EMSY: variants seen among roughly 807,000 people sequenced by gnomAD.
EMSY encodes the protein EMSY transcriptional repressor, BRCA2 interacting.
EMSY carries 26 observed loss-of-function variants against 134.6 expected under a neutral mutation model. That is an observed-to-expected ratio of 0.19 (90% confidence interval 0.14 to 0.27). The LOEUF (loss-of-function observed/expected upper bound fraction) is 0.27, where lower values mean the gene tolerates loss of function less well. Ranked by LOEUF, EMSY falls within the 10% of genes least tolerant of loss-of-function variation. The pLI, the probability that EMSY is intolerant of heterozygous loss-of-function variation, is 1.00. For synonymous variants in EMSY, 579 were observed against 577.8 expected (o/e 1.00, Z -0.03); for missense variants, 1,305 against 1,611.4 (o/e 0.81, Z 3.26).
intron 8 of EMSY, among the ~76,000 whole-genome samples, chr11:76,475,476 A>G (rs1442383604): frequency 6.6e-6 from 1 of 152,202 alleles, no homozygotes; most frequent in African/African-American, 2.4e-5. Context: ...GCTTCTTAGC[A>G]TTCTACATCT....
rs71040003 is a variant in EMSY at position 76,522,352 on chromosome 11, CTTTTTTTTTTTTTTTTTT to C, written c.1685-790_1685-773del. 6.1e-4 allele frequency among the ~76,000 whole-genome samples: 27 copies of C among 44,250 alleles called. 1 individual carries two copies. The highest frequency in any genetic ancestry group is 2.5e-3 in the African/African-American group (27 of 10,638). The allele number at this position is 44,250 out of a possible 152,430, so 29.0% of individuals were successfully genotyped here. On this transcript the variant is annotated intron_variant, in intron 11 of 20. Transcript: ENST00000334736. ...CTTGTTTTGTATATCGTTTACTTTGCTTTTTTTTTTTTTTTTTTTTTTTTTTTTTTCTTGAGATCGAGT... is the reference window on the plus strand; with the variant it reads ...CTTGTTTTGTATATCGTTTACTTTGCTTTTTTTTTTTTCTTGAGATCGAGT...
At chr11:76,524,091 T>G (rs1399870136) in intron 12 of EMSY, among the ~76,000 whole-genome samples, 3 of 152,116 alleles carry the variant, frequency 2.0e-5, no homozygotes, top group African/African-American at 7.2e-5. Flanking sequence ...CATTTATAGT[T>G]CTGAAGGCAG....
intron 9 of EMSY, among the ~76,000 whole-genome samples, chr11:76,506,571 A>G (rs139549678): frequency 1.3e-5 from 2 of 152,214 alleles, no homozygotes; most frequent in East Asian, 3.9e-4. Context: ...AGCACACAAA[A>G]AGTGAATTAC....
At chr11:76,489,321 T>C (rs558398183) in intron 8 of EMSY, among the ~76,000 whole-genome samples, 14 of 151,546 alleles carry the variant, frequency 9.2e-5, no homozygotes, top group African/African-American at 3.4e-4. Flanking sequence ...TTTTCTTTTT[T>C]TTTTTTTTTT....
chr11:76,450,166 G>T (rs1313946823), intron 2 of EMSY, among the ~76,000 whole-genome samples: 1 of 151,742 alleles, frequency 6.6e-6, no homozygotes, highest in African/African-American at 2.4e-5. Flanking sequence ...ACTCCCTGAG[G>T]GCAGGATTAG....
At chr11:76,524,993 G>A (rs945511785) in intron 12 of EMSY, among the ~76,000 whole-genome samples, 7 of 152,220 alleles carry the variant, frequency 4.6e-5, no homozygotes, top group East Asian at 1.9e-4. Flanking sequence ...CTCCAGCCTG[G>A]GTGACAGAGC....
At chr11:76,523,118 C>T (rs778874378) in intron 11 of EMSY, 37 bp from the exon 13 acceptor site, 5 of 1,585,224 alleles carry the variant, frequency 3.2e-6, no homozygotes, top group Non-Finnish European at 4.3e-6. Flanking sequence ...ATCTCTAGTC[C>T]TTAACTCAGG....
intron 9 of EMSY, among the ~76,000 whole-genome samples, chr11:76,512,968 T>A (rs1329929769): frequency 6.6e-6 from 1 of 152,184 alleles, no homozygotes; most frequent in Non-Finnish European, 1.5e-5. Flanking sequence ...TTTAAGGAGT[T>A]GTGTGAATAT....
chr11:76,462,608 G>A (rs1360678194), intron 6 of EMSY, among the ~76,000 whole-genome samples: 1 of 152,196 alleles, frequency 6.6e-6, no homozygotes, highest in Non-Finnish European at 1.5e-5. Context: ...GATGATGATT[G>A]CAGAATGATG....
At chr11:76,526,500 G>A in exon 13 of EMSY, 3 of 1,613,406 alleles carry the variant, frequency 1.9e-6, no homozygotes, top group East Asian at 2.2e-5. Context: ...CAGGAGCAAA[G>A]CCAGCTATCC....
chr11:76,525,124 G>A (rs1279460402), intron 12 of EMSY, among the ~76,000 whole-genome samples: 3 of 152,134 alleles, frequency 2.0e-5, no homozygotes, highest in African/African-American at 7.2e-5. Flanking sequence ...AAAACAGGCT[G>A]CTAGTTGGTT....
At chr11:76,464,530 C>A (rs1227310543) in intron 7 of EMSY, among the ~76,000 whole-genome samples, 2 of 152,140 alleles carry the variant, frequency 1.3e-5, no homozygotes, top group Non-Finnish European at 2.9e-5. Flanking sequence ...TCTTTGTATG[C>A]TGTTATTAAT....
intron 11 of EMSY, 48 bp from the exon 13 acceptor site, chr11:76,523,107 T>A (rs1419822082): frequency 6.5e-7 from 1 of 1,546,846 alleles, no homozygotes; most frequent in Non-Finnish European, 8.7e-7. Flanking sequence ...AATAACCAAG[T>A]ATCTCTAGTC....
intron 8 of EMSY, among the ~76,000 whole-genome samples, chr11:76,482,605 C>T (rs1056069896): frequency 2.6e-5 from 4 of 152,040 alleles, no homozygotes; most frequent in Non-Finnish European, 4.4e-5. Context: ...GTGAAGCATA[C>T]ACAAGTATCA....
chr11:76,544,906 T>C, intron 19 of EMSY, 84 bp downstream of exon 20: 1 of 1,406,202 alleles, frequency 7.1e-7, no homozygotes, highest in Non-Finnish European at 9.7e-7. Context: ...TATCATGATA[T>C]CAGTGCTTTC....
intron 20 of EMSY, among the ~76,000 whole-genome samples, chr11:76,547,921 A>T (rs535380668): frequency 9.8e-5 from 15 of 152,344 alleles, no homozygotes; most frequent in African/African-American, 3.6e-4. Context: ...AGGTAAGGAC[A>T]GCAGAGTGAT....
At chr11:76,519,463 A>T (rs550463671) in intron 11 of EMSY, among the ~76,000 whole-genome samples, 2 of 152,340 alleles carry the variant, frequency 1.3e-5, no homozygotes, top group South Asian at 4.1e-4. Flanking sequence ...GGTTAGATGA[A>T]TAATTACATT....
chr11:76,479,965 A>T (rs1167091523), intron 8 of EMSY, among the ~76,000 whole-genome samples: 2 of 152,238 alleles, frequency 1.3e-5, no homozygotes, highest in Non-Finnish European at 2.9e-5. Context: ...GAAGCTGTGA[A>T]TATTCAACAG....
At chr11:76,500,676 C>T (rs371934277) in intron 9 of EMSY, among the ~76,000 whole-genome samples, 2 of 152,112 alleles carry the variant, frequency 1.3e-5, no homozygotes, top group Admixed American at 6.5e-5. Context: ...AGCTGGGTGT[C>T]GTCAAGGAAA....
Sources: gnomAD v4.1 joint callset for allele counts (sites outside exome capture counted in the v4.1 genomes callset) on GRCh38, gnomAD v4.1.1 for gene constraint, MANE v1.5 for transcripts, NCBI Gene and HGNC (gene_info 2026-07-23, HGNC 2026-07-21) for gene names.